The following SKIC2 variants were observed in gnomAD, a reference collection of about 807,000 sequenced individuals.
SKIC2 encodes superkiller complex protein 2.
chr6:31,963,574 G>C, the SKIC2 span: 2 of 1,552,280 alleles, frequency 1.3e-6, no homozygotes, highest in Non-Finnish European at 1.7e-6. This position sits in a 1 kb window ranked among gnomAD's most constrained non-coding sequence, Gnocchi z 5.3. Context: ...GCCTCGAGAT[G>C]GGGGAAAGAG....
At chr6:31,969,594 G>A in the SKIC2 span, 1 of 1,613,592 alleles carries the variant, frequency 6.2e-7, no homozygotes, top group Non-Finnish European at 8.5e-7. The surrounding 1 kb of genome is among the most constrained non-coding windows in gnomAD (Gnocchi z 6.1). Context: ...GCTGAGATGT[G>A]TCGCTCACTG....
chr6:31,962,201 GAA>G, the SKIC2 span: 8 of 955,346 alleles, frequency 8.4e-6, no homozygotes, highest in Admixed American at 9.0e-5. This position sits in a 1 kb window ranked among gnomAD's most constrained non-coding sequence, Gnocchi z 5.0. Context: ...AGCCCAGAGA[GAA>G]ATGAAAAGAC....
chr6:31,967,971 C>T, the SKIC2 span: 8 of 1,613,040 alleles, frequency 5.0e-6, no homozygotes, highest in Non-Finnish European at 6.8e-6. This position sits in a 1 kb window ranked among gnomAD's most constrained non-coding sequence, Gnocchi z 4.9. Flanking sequence ...TGTGACCACA[C>T]CGTGGTCAAG....
the SKIC2 span, chr6:31,966,746 C>T: frequency 1.5e-5 from 24 of 1,614,140 alleles, no homozygotes; most frequent in Non-Finnish European, 1.9e-5. This position sits in a 1 kb window ranked among gnomAD's most constrained non-coding sequence, Gnocchi z 5.9. Context: ...TTCCGCCTCA[C>T]GTACACTATG....
chr6:31,963,776 C>T, the SKIC2 span: 3 of 1,521,804 alleles, frequency 2.0e-6, no homozygotes, highest in South Asian at 2.5e-5. The surrounding 1 kb of genome is among the most constrained non-coding windows in gnomAD (Gnocchi z 5.3). Context: ...ACCTGTTTTT[C>T]CTCCTATCTT....
At chr6:31,965,878 C>T in the SKIC2 span, 1 of 1,612,950 alleles carries the variant, frequency 6.2e-7, no homozygotes, top group Non-Finnish European at 8.5e-7. The surrounding 1 kb of genome is among the most constrained non-coding windows in gnomAD (Gnocchi z 5.6). Context: ...GCTCCACCTT[C>T]CGGGACCTGC....
At chr6:31,960,484 G>C in the SKIC2 span, 1 of 1,614,112 alleles carries the variant, frequency 6.2e-7, no homozygotes, top group Non-Finnish European at 8.5e-7. Flanking sequence ...TCTCTTCGCC[G>C]GCCTCCAGGG....
At chr6:31,963,164 C>A in the SKIC2 span, 1 of 1,113,956 alleles carries the variant, frequency 9.0e-7, no homozygotes, top group Non-Finnish European at 1.3e-6. This position sits in a 1 kb window ranked among gnomAD's most constrained non-coding sequence, Gnocchi z 5.3. Flanking sequence ...GGGACTAAGT[C>A]TACCACAGCA....
the SKIC2 span, chr6:31,962,682 T>C: frequency 6.2e-7 from 1 of 1,608,290 alleles, no homozygotes; most frequent in Non-Finnish European, 8.5e-7. The surrounding 1 kb of genome is among the most constrained non-coding windows in gnomAD (Gnocchi z 5.0). Context: ...GACGAGCCAC[T>C]GGGGAGTCAA....
chr6:31,968,349 C>T, the SKIC2 span: 835 of 1,612,804 alleles, frequency 5.2e-4, 4 homozygotes, highest in African/African-American at 9.1e-3. The surrounding 1 kb of genome is among the most constrained non-coding windows in gnomAD (Gnocchi z 6.1). Context: ...CCCTTGCAGC[C>T]GTGACCACTG....
the SKIC2 span, among the ~76,000 whole-genome samples, chr6:31,965,349 G>T: frequency 6.6e-6 from 1 of 152,120 alleles, no homozygotes; most frequent in African/African-American, 2.4e-5. This position sits in a 1 kb window ranked among gnomAD's most constrained non-coding sequence, Gnocchi z 5.6. Flanking sequence ...GCAGTTGGAA[G>T]CAGTGGGTTA....
At chr6:31,962,333 A>C in the SKIC2 span, 1 of 1,270,946 alleles carries the variant, frequency 7.9e-7, no homozygotes, top group Non-Finnish European at 1.1e-6. The surrounding 1 kb of genome is among the most constrained non-coding windows in gnomAD (Gnocchi z 5.0). Context: ...GAAGAAGAGG[A>C]GCACCTGAGC....
chr6:31,964,683 G>A, the SKIC2 span, among the ~76,000 whole-genome samples: 1 of 152,202 alleles, frequency 6.6e-6, no homozygotes, highest in Non-Finnish European at 1.5e-5. The surrounding 1 kb of genome is among the most constrained non-coding windows in gnomAD (Gnocchi z 5.0). Flanking sequence ...CACAAGATAC[G>A]ACTTTACAGC....
At chr6:31,963,574 G>A in the SKIC2 span, 1 of 1,552,280 alleles carries the variant, frequency 6.4e-7, no homozygotes, top group Non-Finnish European at 8.7e-7. This position sits in a 1 kb window ranked among gnomAD's most constrained non-coding sequence, Gnocchi z 5.3. Flanking sequence ...GCCTCGAGAT[G>A]GGGGAAAGAG....
the SKIC2 span, chr6:31,960,332 A>G: frequency 6.2e-7 from 1 of 1,612,956 alleles, no homozygotes; most frequent in Non-Finnish European, 8.5e-7. Flanking sequence ...ACTGGGTTAC[A>G]AAGAGGTAGG....
chr6:31,966,120 G>C, the SKIC2 span: 1 of 786,026 alleles, frequency 1.3e-6, no homozygotes, highest in South Asian at 1.8e-5. The surrounding 1 kb of genome is among the most constrained non-coding windows in gnomAD (Gnocchi z 5.9). Context: ...TTTGGAGACA[G>C]GGTCTTGCTC....
the SKIC2 span, chr6:31,962,441 C>T: frequency 3.1e-6 from 5 of 1,613,732 alleles, no homozygotes; most frequent in Non-Finnish European, 4.2e-6. This position sits in a 1 kb window ranked among gnomAD's most constrained non-coding sequence, Gnocchi z 5.0. Flanking sequence ...CTTCCCAGCA[C>T]CATCTACACT....
At chr6:31,964,093 C>T in the SKIC2 span, 13 of 1,612,544 alleles carry the variant, frequency 8.1e-6, no homozygotes, top group South Asian at 3.3e-5. This position sits in a 1 kb window ranked among gnomAD's most constrained non-coding sequence, Gnocchi z 5.0. Flanking sequence ...CTGCCTTGCT[C>T]GCCTCCGTGG....
At chr6:31,968,389 G>C in the SKIC2 span, 1 of 1,612,962 alleles carries the variant, frequency 6.2e-7, no homozygotes, top group South Asian at 1.1e-5. The surrounding 1 kb of genome is among the most constrained non-coding windows in gnomAD (Gnocchi z 6.1). Context: ...TCTGGCTCAG[G>C]CCCACCCAGC....
Sources: allele counts gnomAD v4.1 joint callset (sites outside exome capture counted in the v4.1 genomes callset), GRCh38; gene constraint gnomAD v4.1.1; non-coding constraint Gnocchi (gnomAD v3.1); transcripts MANE v1.5; gene names NCBI Gene and HGNC (gene_info 2026-07-23, HGNC 2026-07-21).